MYO1E: variants seen among roughly 807,000 people sequenced by gnomAD.
MYO1E encodes myosin IE, also known as unconventional myosin-Ie.
In MYO1E, 68 loss-of-function variants were observed where a neutral mutation model predicts 151.1. The ratio of observed to expected loss-of-function variants is 0.45; its 90% CI spans 0.37 to 0.55. MYO1E has a LOEUF of 0.55. Among genes scored for constraint, MYO1E ranks in the 20% least tolerant of loss-of-function variants. MYO1E has a pLI of 0.00. For synonymous variants in MYO1E, 601 were observed against 501.7 expected (o/e 1.20, Z -2.64); for missense variants, 1,363 against 1,389.3 (o/e 0.98, Z 0.30).
chr15:59,243,221 A>G lies in MYO1E; in HGVS notation c.333-6549T>C, dbSNP rs376222198. Among the ~76,000 whole-genome samples, 14 of 151,872 alleles carry G rather than the reference A, an allele frequency of 9.2e-5. No homozygotes were observed. In the East Asian group the frequency reaches 1.7e-3, roughly 19 times the overall value. ...TTTAAAAACCAATTTTTGTAATTCT[A>G]GAGTTATAAAAGATGAACGCAGTTG... On this transcript the variant is annotated intron_variant, in intron 4 of 27. Coordinates refer to ENST00000288235, the MANE Select transcript of MYO1E (RefSeq NM_004998.4).
intron 1 of MYO1E, among the ~76,000 whole-genome samples, chr15:59,295,168 A>C (rs1438360037): frequency 6.6e-6 from 1 of 152,100 alleles, no homozygotes; most frequent in Non-Finnish European, 1.5e-5. Flanking sequence ...AAATCACTAA[A>C]AGTTGAGTCA....
At chr15:59,151,889 T>TACACACAC (rs34550013) in intron 26 of MYO1E, among the ~76,000 whole-genome samples, 201 of 147,238 alleles carry the variant, frequency 1.4e-3, no homozygotes, top group African/African-American at 4.5e-3. Context: ...TCTACAAAAA[T>TACACACAC]ACACACACAC....
At chr15:59,253,757 C>T (rs1480596728) in intron 4 of MYO1E, among the ~76,000 whole-genome samples, 1 of 152,088 alleles carries the variant, frequency 6.6e-6, no homozygotes, top group African/African-American at 2.4e-5. Context: ...CAGGTGTGAA[C>T]CACCACTCCC....
At position 59,238,378 on chromosome 15, in the gene MYO1E, T is replaced by C. The variant is rs561781182; in HGVS notation, c.333-1706A>G. On this transcript the variant is annotated intron_variant, in intron 4 of 27. Coordinates refer to ENST00000288235, the MANE Select transcript of MYO1E (RefSeq NM_004998.4). ...AGCTTACAATGGCACAACCACCCAA[T>C]ATAATACTGCACAGGCATTTGAAGT... Among the ~76,000 whole-genome samples the C allele has an allele frequency of 2.0e-5, 3 of 152,286 alleles. No homozygotes were observed. In the South Asian group the frequency reaches 6.2e-4, roughly 32 times the overall value.
chr15:59,187,282 G>A (rs1450863256), intron 18 of MYO1E, among the ~76,000 whole-genome samples: 1 of 151,990 alleles, frequency 6.6e-6, no homozygotes, highest in Non-Finnish European at 1.5e-5. Flanking sequence ...AATGGCAAAG[G>A]GCCTCACAGA....
chr15:59,255,580 A>G (rs1376998601), intron 4 of MYO1E, among the ~76,000 whole-genome samples: 1 of 152,108 alleles, frequency 6.6e-6, no homozygotes, highest in African/African-American at 2.4e-5. Context: ...AATAAGCAGA[A>G]TTTTAAAAGC....
At chr15:59,223,905 G>T (rs1330603236) in intron 8 of MYO1E, among the ~76,000 whole-genome samples, 1 of 152,196 alleles carries the variant, frequency 6.6e-6, no homozygotes, top group East Asian at 1.9e-4. Context: ...GTGACCTGTT[G>T]ATACCATTTT....
At chr15:59,230,470 A>G (rs1322428740) in intron 6 of MYO1E, among the ~76,000 whole-genome samples, 1 of 152,026 alleles carries the variant, frequency 6.6e-6, no homozygotes, top group African/African-American at 2.4e-5. Flanking sequence ...AAGACAGGGG[A>G]AAAGGTAAAT....
chr15:59,208,143 A>G, intron 14 of MYO1E: 3 of 1,446,316 alleles, frequency 2.1e-6, no homozygotes, highest in Non-Finnish European at 2.8e-6. Flanking sequence ...ACAGGATTAT[A>G]TAACGAAATT....
chr15:59,230,631 G>C (rs186130799), intron 6 of MYO1E, among the ~76,000 whole-genome samples: 1 of 151,980 alleles, frequency 6.6e-6, no homozygotes, highest in Non-Finnish European at 1.5e-5. Context: ...AAATATGAGA[G>C]ACAAACAAAT....
Position 59,372,566 on chromosome 15 carries a change from G to C in MYO1E, c.-66C>G. On this transcript the variant is annotated 5_prime_UTR_variant, in exon 1 of 28. Coordinates refer to ENST00000288235, the MANE Select transcript of MYO1E (RefSeq NM_004998.4). ...GCCGGGGAACTGGGGCTGGAACGCA[G>C]TCTTCTGGGCGAACTTCAAAAGTTG... The C allele has an allele frequency of 6.5e-7, 1 of 1,530,772 alleles. No homozygotes were observed. Among genetic ancestry groups the C allele is most frequent in the Non-Finnish European group, 8.8e-7 (1 of 1,138,732 alleles). 94.8% of individuals were successfully genotyped at this position (1,530,772 alleles called of 1,614,324 possible). A position where few individuals can be genotyped will look rare whatever the true frequency, so the allele number is the denominator to read the frequency against.
intron 6 of MYO1E, among the ~76,000 whole-genome samples, chr15:59,228,566 A>C (rs2080006150): frequency 1.3e-5 from 2 of 151,280 alleles, no homozygotes; most frequent in East Asian, 3.9e-4. Context: ...TTTTTTTCTC[A>C]CTAGAACTTA....
chr15:59,195,334 A>T, intron 17 of MYO1E, 127 bp downstream of exon 17: 1 of 851,480 alleles, frequency 1.2e-6, no homozygotes, highest in Non-Finnish European at 2.0e-6. Flanking sequence ...TGAAAAAGTT[A>T]AGATGCAAGG....
In MYO1E at chr15:59,178,355, C is replaced by T. The variant is rs373355929; in HGVS notation, c.2049+38G>A. 49 of 1,611,502 alleles carry T rather than the reference C, an allele frequency of 3.0e-5. No individual in the cohort carries two copies. In the East Asian group the frequency reaches 3.8e-4, roughly 12 times the overall value. On this transcript the variant is annotated intron_variant, in intron 19 of 27. Transcript: ENST00000288235. ...TGGAGCAGGGCTGGCGGGGGCCCCG[C>T]GGGAGGGAAGAGAGTGGAGAGCCAG...
chr15:59,202,876 G>A (rs1222208327), intron 15 of MYO1E, among the ~76,000 whole-genome samples: 2 of 152,074 alleles, frequency 1.3e-5, no homozygotes, highest in Non-Finnish European at 2.9e-5. Context: ...TGAGTAGCTG[G>A]CACTATATAT....
At chr15:59,263,973 C>A (rs1385494113) in intron 2 of MYO1E, among the ~76,000 whole-genome samples, 1 of 152,152 alleles carries the variant, frequency 6.6e-6, no homozygotes, top group Non-Finnish European at 1.5e-5. Flanking sequence ...AATAAGGCGT[C>A]ATAAAATTAA....
At chr15:59,358,848 C>T (rs1200834922) in intron 1 of MYO1E, among the ~76,000 whole-genome samples, 1 of 152,124 alleles carries the variant, frequency 6.6e-6, no homozygotes, top group Non-Finnish European at 1.5e-5. Flanking sequence ...AGGTTTACGA[C>T]CATAATTCCT....
In MYO1E at chr15:59,230,224, TTGTG is replaced by T. The variant is rs71119445; in HGVS notation, c.510+1474_510+1477del. On this transcript the variant is annotated intron_variant, in intron 6 of 27. Coordinates refer to ENST00000288235, the MANE Select transcript of MYO1E (RefSeq NM_004998.4). ...TGAGAGAGAGAGAGACAGTGTGTGTTTGTGTGTGTGTGTGTGTGTGTGTGTGTGT... is the reference window on the plus strand; with the variant it reads ...TGAGAGAGAGAGAGACAGTGTGTGTTTGTGTGTGTGTGTGTGTGTGTGTGT... Among the ~76,000 whole-genome samples, 365 of 127,010 alleles carry T rather than the reference TTGTG, an allele frequency of 2.9e-3. 4 individuals carry two copies. The highest frequency in any genetic ancestry group is 0.01 in the African/African-American group (340 of 32,944). 83.3% of individuals were successfully genotyped at this position (127,010 alleles called of 152,430 possible).
intron 16 of MYO1E, among the ~76,000 whole-genome samples, chr15:59,196,140 A>T (rs569900127): frequency 6.6e-6 from 1 of 152,214 alleles, no homozygotes; most frequent in Non-Finnish European, 1.5e-5. Context: ...ATTCCATTTC[A>T]TTCAGTTTCT....
Sources: gnomAD v4.1 joint callset for allele counts (sites outside exome capture counted in the v4.1 genomes callset) on GRCh38, gnomAD v4.1.1 for gene constraint, MANE v1.5 for transcripts, NCBI Gene and HGNC (gene_info 2026-07-23, HGNC 2026-07-21) for gene names.